Variants in ABCC9 observed in about 807,000 individuals in gnomAD.
The protein encoded by ABCC9 is ATP binding cassette subfamily C member 9.
A neutral mutation model predicts 188.3 loss-of-function variants in ABCC9; 95 were observed. The ratio of observed to expected loss-of-function variants is 0.50; its 90% CI spans 0.43 to 0.60. The LOEUF is 0.60. ABCC9 is among the 20% of genes least tolerant of loss of function. The pLI is 0.00. For missense variants in ABCC9, 1,102 were observed against 1,876.3 expected (o/e 0.59, Z 7.62); for synonymous variants, 659 against 652.7 (o/e 1.01, Z -0.15).
At chr12:21,816,899 T>G (rs1328311199) in intron 33 of ABCC9, among the ~76,000 whole-genome samples, 7 of 152,198 alleles carry the variant, frequency 4.6e-5, no homozygotes, top group Non-Finnish European at 7.3e-5. Context: ...AGAAAGGGAA[T>G]ATAGTAGTTT....
chr12:21,848,147 T>C lies in ABCC9; in HGVS notation c.2866+3A>G, dbSNP rs189527276. The C allele has an allele frequency of 4.4e-5, 71 of 1,612,812 alleles. No individual in the cohort carries two copies. Among genetic ancestry groups the C allele is most frequent in the Non-Finnish European group, 8.5e-7 (1 of 1,178,972 alleles). On this transcript the variant is annotated splice_donor_region_variant and intron_variant, in intron 25 of 39. Coordinates refer to ENST00000261200, the MANE Select transcript of ABCC9 (RefSeq NM_020297.4). ...TGTTCCAGATAAAAGAAAAAAGATC[T>C]ACCTTCGTCTTCGTCCTCCATCTGG...
intron 31 of ABCC9, among the ~76,000 whole-genome samples, chr12:21,821,628 T>A (rs938295700): frequency 2.6e-5 from 4 of 152,108 alleles, no homozygotes; most frequent in Non-Finnish European, 5.9e-5. Context: ...CATTATGCAG[T>A]CAATTTCTCG....
chr12:21,814,492 A>G (rs1696045127), intron 35 of ABCC9, 152 bp downstream of exon 35: 2 of 691,190 alleles, frequency 2.9e-6, no homozygotes, highest in Admixed American at 4.5e-5. Flanking sequence ...TTTACTTTTG[A>G]GCTGTTTATT....
chr12:21,801,579 T>C (rs1370220638), intron 39 of ABCC9, among the ~76,000 whole-genome samples: 1 of 152,208 alleles, frequency 6.6e-6, no homozygotes, highest in Non-Finnish European at 1.5e-5. Context: ...TTATTTGGGC[T>C]ATAACACAAT....
intron 39 of ABCC9, chr12:21,805,337 G>C (rs763597401): frequency 1.9e-6 from 3 of 1,607,440 alleles, no homozygotes; most frequent in South Asian, 2.2e-5. Context: ...GAAAAGAAGA[G>C]AATCAGCAGA....
At chr12:21,867,588 A>C (rs528311803) in intron 18 of ABCC9, among the ~76,000 whole-genome samples, 1 of 152,282 alleles carries the variant, frequency 6.6e-6, no homozygotes, top group East Asian at 1.9e-4. Flanking sequence ...GGAAGAAGGG[A>C]AACTAGATGC....
intron 25 of ABCC9, among the ~76,000 whole-genome samples, chr12:21,847,695 T>G (rs2418017): frequency 3.0e-5 from 1 of 33,286 alleles, no homozygotes; most frequent in African/African-American, 1.8e-4. Flanking sequence ...GCATTCTAAT[T>G]TTCTTATCCT....
At chr12:21,819,404 T>C (rs1375909566) in intron 31 of ABCC9, among the ~76,000 whole-genome samples, 6 of 152,184 alleles carry the variant, frequency 3.9e-5, no homozygotes, top group Non-Finnish European at 8.8e-5. Flanking sequence ...TGAAGATGTT[T>C]CTCAAATGAC....
intron 12 of ABCC9, among the ~76,000 whole-genome samples, chr12:21,905,383 T>G (rs747718085): frequency 6.6e-6 from 1 of 151,994 alleles, no homozygotes; most frequent in East Asian, 1.9e-4. Context: ...CTGCACATTG[T>G]GCACATGTAC....
intron 5 of ABCC9, among the ~76,000 whole-genome samples, chr12:21,919,676 G>C (rs559051654): frequency 1.3e-5 from 2 of 151,960 alleles, no homozygotes; most frequent in African/African-American, 2.4e-5. Context: ...CTTTACTAGT[G>C]ATTTCTATTC....
chr12:21,841,305 A>G (rs1944374887), intron 29 of ABCC9, among the ~76,000 whole-genome samples: 1 of 150,920 alleles, frequency 6.6e-6, no homozygotes, highest in African/African-American at 2.4e-5. Flanking sequence ...AGAGTATAAT[A>G]ATATTAAATC....
rs966061244 is a variant in ABCC9 at position 21,913,193 on chromosome 12, G to A, written c.817-127C>T. 2.0e-5 allele frequency: 16 copies of A among 792,404 alleles called. No homozygotes were observed. The African/African-American group carries it at 2.8e-4, about 14-fold the overall frequency. 49.1% of individuals were successfully genotyped at this position (792,404 alleles called of 1,614,324 possible). ...ATACTTTAAGGGTTTAAAAATTGAT[G>A]TTAATGTGTGCCTTTCAGCATAGCA... is the stretch of plus-strand genomic sequence containing the variant. On this transcript the variant is annotated intron_variant, in intron 7 of 39. Transcript: ENST00000261200.
intron 15 of ABCC9, among the ~76,000 whole-genome samples, chr12:21,885,804 C>CA (rs993637072): frequency 1.3e-5 from 2 of 152,224 alleles, no homozygotes; most frequent in African/African-American, 2.4e-5. Context: ...CAAAAACAAA[C>CA]ACCTCCAGAA....
At chr12:21,830,254 A>G (rs976786597) in intron 30 of ABCC9, among the ~76,000 whole-genome samples, 2 of 152,182 alleles carry the variant, frequency 1.3e-5, no homozygotes, top group Admixed American at 6.5e-5. Flanking sequence ...CTAAATCACA[A>G]CAATAGTCTC....
chr12:21,867,855 G>T (rs545933191), intron 18 of ABCC9, among the ~76,000 whole-genome samples: 1 of 149,258 alleles, frequency 6.7e-6, no homozygotes, highest in South Asian at 2.1e-4. Flanking sequence ...AAAGATAAAT[G>T]ACAAGCTGTT....
chr12:21,889,476 C>T (rs75986153), intron 14 of ABCC9, among the ~76,000 whole-genome samples: 2,132 of 152,268 alleles, frequency 0.014, 59 homozygotes, highest in African/African-American at 0.049. Context: ...TACCTTTAAA[C>T]AATCTCACAC....
intron 14 of ABCC9, among the ~76,000 whole-genome samples, chr12:21,890,935 C>T (rs704210): frequency 0.26 from 38,732 of 151,600 alleles, 5,323 homozygotes; most frequent in East Asian, 0.51. Context: ...CAAACTTGCA[C>T]GTTGTGCACA....
intron 22 of ABCC9, among the ~76,000 whole-genome samples, chr12:21,858,291 C>T (rs1233826499): frequency 2.6e-5 from 4 of 151,784 alleles, no homozygotes; most frequent in African/African-American, 7.3e-5. Flanking sequence ...AAAGAATTTA[C>T]GGCTGGGCAC....
chr12:21,803,057 T>C (rs894450871), intron 39 of ABCC9, among the ~76,000 whole-genome samples: 13 of 151,886 alleles, frequency 8.6e-5, no homozygotes, highest in African/African-American at 2.9e-4. Context: ...AAAGTAATCA[T>C]GTCAAAGACC....
Sources: allele counts gnomAD v4.1 joint callset (sites outside exome capture counted in the v4.1 genomes callset), GRCh38; gene constraint gnomAD v4.1.1; transcripts MANE v1.5; gene names NCBI Gene and HGNC (gene_info 2026-07-23, HGNC 2026-07-21).